The following ACOX3 variants were observed in gnomAD, a reference collection of about 807,000 sequenced individuals.
The protein encoded by ACOX3 is peroxisomal acyl-coenzyme A oxidase 3.
Under a neutral mutation model 81.5 loss-of-function variants are expected in ACOX3, and 73 were observed. The observed-to-expected ratio is 0.90, with a 90% CI of 0.74 to 1.09. The LOEUF is 1.09. ACOX3 is among the 50% of genes least tolerant of loss of function. ACOX3 has a pLI of 0.00. For synonymous variants in ACOX3, 387 were observed against 375.1 expected, an observed-to-expected ratio of 1.03 and a Z score of -0.37; for missense variants, 947 against 928.0, an observed-to-expected ratio of 1.02 and a Z score of -0.27.
At chr4:8,438,947 C>A (rs549072935) in intron 1 of ACOX3, 2 of 152,204 alleles carry the variant, frequency 1.3e-5, no homozygotes, top group African/African-American at 4.8e-5. Context: ...AGTCTACACA[C>A]GGCTGAAGCT....
chr4:8,381,074 T>C lies in ACOX3; in HGVS notation c.1653+418A>G, dbSNP rs1162590934. 6.6e-6 allele frequency among the ~76,000 whole-genome samples: 1 copy of C among 152,152 alleles called. No individual in the cohort carries two copies. Among genetic ancestry groups the C allele is most frequent in the African/African-American group, 2.4e-5 (1 of 41,442 alleles). On this transcript the variant is annotated intron_variant, in intron 14 of 17. Coordinates refer to ENST00000356406, the MANE Select transcript of ACOX3 (RefSeq NM_003501.3). The surrounding 1 kb of genome is among the most constrained non-coding windows in gnomAD (Gnocchi z 4.3). The stretch of plus-strand genomic sequence containing the variant: ...AAGGCCAACGATGACCCACTCACCA[T>C]TGCCACCCCAGCCCCTCGGGAAGGC...
intron 14 of ACOX3, among the ~76,000 whole-genome samples, chr4:8,376,360 A>AC (rs1319803617): frequency 6.6e-6 from 1 of 151,548 alleles, no homozygotes; most frequent in East Asian, 1.9e-4. Flanking sequence ...AAAAAAAAAA[A>AC]ATCCAGCCAA....
intron 17 of ACOX3, among the ~76,000 whole-genome samples, chr4:8,367,878 G>C (rs1271778999): frequency 6.8e-6 from 1 of 146,320 alleles, no homozygotes; most frequent in Non-Finnish European, 1.5e-5. Context: ...TGTAGTTCTA[G>C]CTACTTGGGA....
chr4:8,423,930 T>A lies in ACOX3; in HGVS notation c.-14-7395A>T, dbSNP rs1320387019. On this transcript the variant is annotated intron_variant, in intron 1 of 17. Transcript: ENST00000356406. This position sits in a 1 kb window ranked among gnomAD's most constrained non-coding sequence, Gnocchi z 4.2. ...GCACTCTTGTCCTTCGGTATGCGGATGATTTACTTTTAGCCACCCATTCAG... is the reference window on the plus strand; with the variant it reads ...GCACTCTTGTCCTTCGGTATGCGGAAGATTTACTTTTAGCCACCCATTCAG... 3.9e-5 allele frequency among the ~76,000 whole-genome samples: 6 copies of A among 152,234 alleles called. No individual in the cohort carries two copies. The highest frequency in any genetic ancestry group is 1.4e-4 in the African/African-American group (6 of 41,466).
chr4:8,416,012 G>T lies in ACOX3; in HGVS notation c.145-13C>A. 6.2e-7 allele frequency: 1 copy of T among 1,611,200 alleles called. No individual in the cohort carries two copies. Among genetic ancestry groups the T allele is most frequent in the South Asian group, 1.1e-5 (1 of 90,882 alleles). Reference sequence around the variant, plus strand: ...AGAAGATGGTTTTCTGGAAATGCAGGAGATGGGTAAGGCTTATTTGGAGTA... The same window carrying T: ...AGAAGATGGTTTTCTGGAAATGCAGTAGATGGGTAAGGCTTATTTGGAGTA... On this transcript the variant is annotated splice_polypyrimidine_tract_variant and intron_variant, in intron 2 of 17. Transcript: ENST00000356406. The surrounding 1 kb of genome is among the most constrained non-coding windows in gnomAD (Gnocchi z 4.2).
intron 7 of ACOX3, among the ~76,000 whole-genome samples, chr4:8,402,860 G>A (rs931960220): frequency 2.6e-5 from 4 of 152,136 alleles, no homozygotes; most frequent in African/African-American, 7.2e-5. Flanking sequence ...CACACCCCGC[G>A]CCCTGGACAT....
intron 1 of ACOX3, among the ~76,000 whole-genome samples, chr4:8,427,983 A>T (rs1723665122): frequency 6.6e-6 from 1 of 152,216 alleles, no homozygotes; most frequent in Non-Finnish European, 1.5e-5. Flanking sequence ...TCTACCGTCT[A>T]GGCTTCTGTC....
At chr4:8,360,878 C>T in the ACOX3 span, among the ~76,000 whole-genome samples, 5 of 152,162 alleles carry the variant, frequency 3.3e-5, no homozygotes, top group Admixed American at 2.6e-4. Context: ...AGTCAGCCCC[C>T]TTATCTGCAC....
chr4:8,367,134 T>G, intron 17 of ACOX3, 54 bp from the exon 18 acceptor site: 1 of 1,596,942 alleles, frequency 6.3e-7, no homozygotes, highest in Admixed American at 1.7e-5. Context: ...AAGGAAAAGA[T>G]TCCTAGACGG....
chr4:8,375,210 C>CG, intron 14 of ACOX3, 58 bp from the exon 15 acceptor site: 7 of 1,461,286 alleles, frequency 4.8e-6, no homozygotes, highest in Non-Finnish European at 6.4e-6. Context: ...CCCAGATTCC[C>CG]GGGGGAGGAA....
chr4:8,382,467 C>G lies in ACOX3; in HGVS notation c.1538-860G>C, dbSNP rs1717790279. Among the ~76,000 whole-genome samples, 1 of 152,154 alleles carries G rather than the reference C, an allele frequency of 6.6e-6. No individual in the cohort carries two copies. The highest frequency in any genetic ancestry group is 2.1e-4 in the South Asian group (1 of 4,830). Reference sequence around the variant, plus strand: ...GCATGTGAGGGAGGGGTGCAGACCACCCACATGTGGAGGCCACGCTCACAC... The same window carrying G: ...GCATGTGAGGGAGGGGTGCAGACCAGCCACATGTGGAGGCCACGCTCACAC... On this transcript the variant is annotated intron_variant, in intron 13 of 17. Transcript: ENST00000356406. The surrounding 1 kb of genome is among the most constrained non-coding windows in gnomAD (Gnocchi z 4.1).
chr4:8,377,232 G>T (rs3796751), intron 14 of ACOX3, among the ~76,000 whole-genome samples: 21,942 of 152,170 alleles, frequency 0.14, 1,631 homozygotes, highest in Middle Eastern at 0.18. Context: ...TCCTTGAACC[G>T]AATCTGAGTG....
chr4:8,434,474 TG>T (rs899753528), intron 1 of ACOX3, among the ~76,000 whole-genome samples: 1 of 152,210 alleles, frequency 6.6e-6, no homozygotes, highest in African/African-American at 2.4e-5. Context: ...AGCATCCCTG[TG>T]GGGGGCTCCA....
At chr4:8,439,911 A>C (rs1724498255) in intron 1 of ACOX3, among the ~76,000 whole-genome samples, 1 of 148,284 alleles carries the variant, frequency 6.7e-6, no homozygotes, top group Admixed American at 6.8e-5. Flanking sequence ...GACAGGAGGA[A>C]AAGAGAGAAA....
Position 8,406,458 on chromosome 4 carries a change from A to G in ACOX3, c.688-415T>C, listed in dbSNP as rs1178355751. Among the ~76,000 whole-genome samples the G allele has an allele frequency of 1.3e-5, 2 of 152,156 alleles. No homozygotes were observed. Among genetic ancestry groups the G allele is most frequent in the African/African-American group, 4.8e-5 (2 of 41,424 alleles). On this transcript the variant is annotated intron_variant, in intron 6 of 17. Coordinates refer to ENST00000356406, the MANE Select transcript of ACOX3 (RefSeq NM_003501.3). This position sits in a 1 kb window ranked among gnomAD's most constrained non-coding sequence, Gnocchi z 5.6. ...TTCTCCCCGTGTGTGGAGACAAGAG[A>G]GCATAGAGATAAAGACACAAGACAA...
Position 8,414,167 on chromosome 4 carries a change from C to A in ACOX3, c.543+125G>T. 1 of 807,426 alleles carries A rather than the reference C, an allele frequency of 1.2e-6. No homozygotes were observed. The highest frequency in any genetic ancestry group is 2.1e-6 in the Non-Finnish European group (1 of 485,286). 50.0% of individuals were successfully genotyped at this position (807,426 alleles called of 1,614,324 possible). On this transcript the variant is annotated intron_variant, in intron 5 of 17. Coordinates refer to ENST00000356406, the MANE Select transcript of ACOX3 (RefSeq NM_003501.3). The surrounding 1 kb of genome is among the most constrained non-coding windows in gnomAD (Gnocchi z 6.1). The stretch of plus-strand genomic sequence containing the variant: ...TGATGAATCTCAGTGGGTATTTCTA[C>A]ACAAGTGTATGTGGACAGGCCTCTT...
At chr4:8,412,930 C>G (rs1032202080) in intron 5 of ACOX3, among the ~76,000 whole-genome samples, 1 of 149,814 alleles carries the variant, frequency 6.7e-6, no homozygotes, top group Non-Finnish European at 1.5e-5. Flanking sequence ...TGTGGCCCAT[C>G]TCCCTCCAAC....
In ACOX3 at chr4:8,370,956, A is replaced by G; in HGVS notation, c.1935T>C (p.Ala645=). The part of the protein sequence containing the change: ...DDAVALVDVI[A]PPDFVLDSPI... ...GTGAGTCCAGAACAAAGTCAGGAGG[A>G]GCGATCACGTCTACCAGGGCAACTG... The change falls in exon 17 of 18, where the codon GCT becomes GCC. Residue 645 remains alanine (A), a synonymous_variant. Coordinates refer to ENST00000356406, the MANE Select transcript of ACOX3 (RefSeq NM_003501.3). The surrounding 1 kb of genome is among the most constrained non-coding windows in gnomAD (Gnocchi z 6.3). 1 of 1,614,052 alleles carries G rather than the reference A, an allele frequency of 6.2e-7. No homozygotes were observed. Among genetic ancestry groups the G allele is most frequent in the Non-Finnish European group, 8.5e-7 (1 of 1,180,020 alleles).
chr4:8,359,473 C>T, the ACOX3 span, among the ~76,000 whole-genome samples: 1 of 152,162 alleles, frequency 6.6e-6, no homozygotes, highest in African/African-American at 2.4e-5. This position sits in a 1 kb window ranked among gnomAD's most constrained non-coding sequence, Gnocchi z 6.0. Flanking sequence ...TCAGTAAGGT[C>T]CCTCTCAGTA....
Sources: gnomAD v4.1 joint callset for allele counts (sites outside exome capture counted in the v4.1 genomes callset) on GRCh38, gnomAD v4.1.1 for gene constraint, Gnocchi (gnomAD v3.1) non-coding constraint, MANE v1.5 for transcripts, NCBI Gene and HGNC (gene_info 2026-07-23, HGNC 2026-07-21) for gene names.